The following COXFA4 variants were observed in gnomAD, a reference collection of about 807,000 sequenced individuals.
The protein encoded by COXFA4 is cytochrome c oxidase subunit FA4.
chr7:10,933,743 G>T, the COXFA4 span: 1 of 1,317,370 alleles, frequency 7.6e-7, no homozygotes, highest in Non-Finnish European at 1.1e-6. Context: ...CACAGAGACG[G>T]TACAAAGGTT....
At chr7:10,938,788 A>C in the COXFA4 span, 3 of 1,597,198 alleles carry the variant, frequency 1.9e-6, no homozygotes, top group Non-Finnish European at 2.6e-6. Context: ...TCAAAGTTTT[A>C]AACATTTTTA....
At chr7:10,936,018 A>G in the COXFA4 span, among the ~76,000 whole-genome samples, 1 of 152,214 alleles carries the variant, frequency 6.6e-6, no homozygotes, top group Non-Finnish European at 1.5e-5. Flanking sequence ...CCTCCAACTC[A>G]TAATTTCCCA....
At chr7:10,939,963 C>A in the COXFA4 span, 1,226 of 1,605,760 alleles carry the variant, frequency 7.6e-4, 9 homozygotes, top group Non-Finnish European at 3.0e-4. Flanking sequence ...AAGAGGCGCA[C>A]CCCGACGCAA....
chr7:10,933,735 C>T, the COXFA4 span: 813,302 of 1,397,916 alleles, frequency 0.58, 241,930 homozygotes, highest in African/African-American at 0.87. Context: ...CTCAAATACA[C>T]AGAGACGGTA....
At chr7:10,937,332 G>C in the COXFA4 span, among the ~76,000 whole-genome samples, 1 of 151,896 alleles carries the variant, frequency 6.6e-6, no homozygotes, top group Non-Finnish European at 1.5e-5. Flanking sequence ...GCCCAGGTTG[G>C]AGTGCAGTGG....
chr7:10,936,105 G>A, the COXFA4 span, among the ~76,000 whole-genome samples: 1 of 152,182 alleles, frequency 6.6e-6, no homozygotes, highest in South Asian at 2.1e-4. Context: ...GTGAATGATG[G>A]AGATAATAAT....
chr7:10,933,737 G>T, the COXFA4 span: 1 of 1,350,476 alleles, frequency 7.4e-7, no homozygotes, highest in Non-Finnish European at 1.1e-6. Context: ...CAAATACACA[G>T]AGACGGTACA....
At chr7:10,938,725 C>T in the COXFA4 span, 2 of 929,990 alleles carry the variant, frequency 2.2e-6, no homozygotes, top group Non-Finnish European at 3.6e-6. Context: ...TTCTACTACC[C>T]TAATGTTATC....
At chr7:10,935,732 C>A in the COXFA4 span, among the ~76,000 whole-genome samples, 1 of 152,228 alleles carries the variant, frequency 6.6e-6, no homozygotes, top group African/African-American at 2.4e-5. Context: ...GACTTCCCAG[C>A]CTCCGGACTG....
the COXFA4 span, chr7:10,937,892 A>G: frequency 5.1e-6 from 3 of 589,038 alleles, no homozygotes; most frequent in Non-Finnish European, 9.1e-6. Context: ...TTCTTTTCTT[A>G]TACTAGCAAT....
the COXFA4 span, among the ~76,000 whole-genome samples, chr7:10,937,114 C>T: frequency 1.3e-5 from 2 of 152,174 alleles, no homozygotes; most frequent in African/African-American, 2.4e-5. Context: ...GCTGGACACA[C>T]ACTGATCGGG....
At chr7:10,936,322 T>A in the COXFA4 span, among the ~76,000 whole-genome samples, 1 of 152,244 alleles carries the variant, frequency 6.6e-6, no homozygotes, top group Non-Finnish European at 1.5e-5. Flanking sequence ...GGCCTCATAT[T>A]GGCATGTGTT....
chr7:10,934,019 G>A, the COXFA4 span, among the ~76,000 whole-genome samples: 1 of 152,010 alleles, frequency 6.6e-6, no homozygotes, highest in Non-Finnish European at 1.5e-5. Flanking sequence ...TTCCAATTCG[G>A]TAAGTTTTTG....
At chr7:10,932,648 A>G in the COXFA4 span, 1 of 152,216 alleles carries the variant, frequency 6.6e-6, no homozygotes, top group African/African-American at 2.4e-5. Flanking sequence ...CCATCTTAAA[A>G]TTATGAATAT....
the COXFA4 span, chr7:10,938,868 G>A: frequency 1.2e-6 from 2 of 1,613,558 alleles, no homozygotes; most frequent in African/African-American, 1.3e-5. Flanking sequence ...AGTAGCTCCA[G>A]TTCCAATAAA....
chr7:10,935,476 G>C, the COXFA4 span, among the ~76,000 whole-genome samples: 2 of 152,322 alleles, frequency 1.3e-5, no homozygotes, highest in African/African-American at 4.8e-5. Flanking sequence ...CTAGATTATA[G>C]CATGGCAACA....
the COXFA4 span, chr7:10,938,117 G>T: frequency 6.2e-7 from 1 of 1,613,284 alleles, no homozygotes; most frequent in Non-Finnish European, 8.5e-7. Flanking sequence ...GACCCAGTTT[G>T]TTCCAGGGCT....
At chr7:10,934,388 A>AAAAC in the COXFA4 span, among the ~76,000 whole-genome samples, 1 of 151,570 alleles carries the variant, frequency 6.6e-6, no homozygotes, top group African/African-American at 2.4e-5. Flanking sequence ...AAAAAAAAAA[A>AAAAC]AAAAAACTCC....
At chr7:10,937,067 G>A in the COXFA4 span, among the ~76,000 whole-genome samples, 1 of 152,012 alleles carries the variant, frequency 6.6e-6, no homozygotes, top group Non-Finnish European at 1.5e-5. Context: ...GTTGCTATGA[G>A]TAATAATCCA....
Sources: gnomAD v4.1 joint callset for allele counts (sites outside exome capture counted in the v4.1 genomes callset) on GRCh38, gnomAD v4.1.1 for gene constraint, MANE v1.5 for transcripts, NCBI Gene and HGNC (gene_info 2026-07-23, HGNC 2026-07-21) for gene names.